The following C1QTNF2 variants were observed in gnomAD, a reference collection of about 807,000 sequenced individuals.
The protein encoded by C1QTNF2 is complement C1q tumor necrosis factor-related protein 2.
C1QTNF2 carries 15 observed loss-of-function variants against 17.4 expected under a neutral mutation model. The ratio of observed to expected loss-of-function variants is 0.86; its 90% CI spans 0.58 to 1.33. The LOEUF (loss-of-function observed/expected upper bound fraction) is 1.33. Among genes scored for constraint, C1QTNF2 ranks in the 40% most tolerant of loss-of-function variants. The pLI is 0.00. For synonymous variants in C1QTNF2, 154 were observed against 163.3 expected, an observed-to-expected ratio of 0.94 and a Z score of 0.44; for missense variants, 381 against 392.3, an observed-to-expected ratio of 0.97 and a Z score of 0.24.
At position 160,349,598 on chromosome 5, in the gene C1QTNF2, C is replaced by T. The variant is rs1414271316; in HGVS notation, c.428G>A (p.Cys143Tyr). The change falls in exon 3 of 3, where the codon TGT becomes TAT. Residue 143 changes from cysteine to tyrosine, a missense_variant. Cys to Tyr is a radical substitution (Grantham distance 194, BLOSUM62 -2). Transcript: ENST00000652664. The surrounding 1 kb of genome is among the most constrained non-coding windows in gnomAD (Gnocchi z 4.3). The stretch of plus-strand genomic sequence containing the variant: ...AGCTGACTTGGTATGGCCACTGCCA[C>T]AGCTGCAGGGGCCTGGGAGGCCTGG... ...GEPGLPGPCS[C>Y]GSGHTKSAFS... 6.2e-7 allele frequency: 1 copy of T among 1,613,584 alleles called. No individual in the cohort carries two copies. Among genetic ancestry groups the T allele is most frequent in the Non-Finnish European group, 8.5e-7 (1 of 1,179,934 alleles).
intron 1 of C1QTNF2, among the ~76,000 whole-genome samples, chr5:160,358,131 G>A (rs938680248): frequency 2.0e-5 from 3 of 152,252 alleles, no homozygotes; most frequent in African/African-American, 7.2e-5. Context: ...AGACACACAG[G>A]GAGGAAGCGT....
In C1QTNF2 at chr5:160,370,490, G is replaced by T; in HGVS notation, c.-10+22C>A. The T allele has an allele frequency of 2.1e-6, 3 of 1,425,290 alleles. No individual in the cohort carries two copies. The South Asian group carries it at 4.5e-5, about 21-fold the overall frequency. 88.3% of individuals were successfully genotyped at this position (1,425,290 alleles called of 1,614,324 possible). A position where few individuals can be genotyped will look rare whatever the true frequency, so the allele number is the denominator to read the frequency against. ...CCGCGCGCACTTGCCGCCCCCGCCC[G>T]ACCGCGGTGCGGGACACTCACCCTC... is the stretch of plus-strand genomic sequence containing the variant. On this transcript the variant is annotated intron_variant, in intron 1 of 2. Coordinates refer to ENST00000652664, the MANE Select transcript of C1QTNF2 (RefSeq NM_031908.6).
At chr5:160,369,038 A>G (rs1341449729) in intron 1 of C1QTNF2, among the ~76,000 whole-genome samples, 3 of 141,198 alleles carry the variant, frequency 2.1e-5, no homozygotes, top group Non-Finnish European at 4.6e-5. Context: ...CATGGAATGT[A>G]AAGTATGCTT....
intron 1 of C1QTNF2, among the ~76,000 whole-genome samples, chr5:160,358,746 T>G (rs1331194712): frequency 6.6e-6 from 1 of 152,082 alleles, no homozygotes; most frequent in Non-Finnish European, 1.5e-5. Flanking sequence ...AAACTGACCT[T>G]ATTACGCACC....
chr5:160,350,750 AT>A (rs1354840992), intron 2 of C1QTNF2, among the ~76,000 whole-genome samples: 6,814 of 140,176 alleles, frequency 0.049, 228 homozygotes, highest in East Asian at 0.2. Context: ...CACAATGCCA[AT>A]TTTTTTTTTT....
Position 160,349,145 on chromosome 5 carries a change from C to A in C1QTNF2, c.*23G>T, listed in dbSNP as rs376900921. On this transcript the variant is annotated 3_prime_UTR_variant, in exon 3 of 3. Transcript: ENST00000652664. The surrounding 1 kb of genome is among the most constrained non-coding windows in gnomAD (Gnocchi z 4.3). ...CCCAAGTCCAGAAGCTTGTTCCCTG[C>A]CTGGAGGACCGCCGTGGCATGTCTA... 45 of 1,588,850 alleles carry A rather than the reference C, an allele frequency of 2.8e-5. No individual in the cohort carries two copies. Among genetic ancestry groups the A allele is most frequent in the Non-Finnish European group, 3.6e-5 (42 of 1,166,144 alleles).
chr5:160,363,993 G>A (rs973371453), intron 1 of C1QTNF2, among the ~76,000 whole-genome samples: 1 of 152,118 alleles, frequency 6.6e-6, no homozygotes, highest in Non-Finnish European at 1.5e-5. Context: ...GGAAAATGAC[G>A]CAAGTCACAT....
Position 160,370,571 on chromosome 5 carries a change from C to A in C1QTNF2, c.-69G>T. The A allele has an allele frequency of 6.9e-7, 1 of 1,447,252 alleles. No homozygotes were observed. Among genetic ancestry groups the A allele is most frequent in the Non-Finnish European group, 9.0e-7 (1 of 1,108,384 alleles). 89.7% of individuals were successfully genotyped at this position (1,447,252 alleles called of 1,614,324 possible). A position where few individuals can be genotyped will look rare whatever the true frequency, so the allele number is the denominator to read the frequency against. On this transcript the variant is annotated 5_prime_UTR_variant, in exon 1 of 3. Coordinates refer to ENST00000652664, the MANE Select transcript of C1QTNF2 (RefSeq NM_031908.6). The stretch of plus-strand genomic sequence containing the variant: ...GAGCAAAGAAGCTCTCGGCGGGGCT[C>A]CGCGTCCCGGCTTTCCTCAGCGGCA...
intron 1 of C1QTNF2, among the ~76,000 whole-genome samples, chr5:160,365,553 G>T (rs1435617286): frequency 6.6e-6 from 1 of 151,852 alleles, no homozygotes; most frequent in Non-Finnish European, 1.5e-5. Flanking sequence ...GGGCAACAAA[G>T]TGAGACCTCC....
intron 1 of C1QTNF2, among the ~76,000 whole-genome samples, chr5:160,360,475 CCTCCTTGCTTTTGACCCCTTACAGTA>C: frequency 6.6e-6 from 1 of 152,098 alleles, no homozygotes; most frequent in African/African-American, 2.4e-5. Flanking sequence ...AGATCAAATC[CCTCCTTGCTTTTGACCCCTTACAGTA>C]TAGGGGCTAG....
intron 1 of C1QTNF2, among the ~76,000 whole-genome samples, chr5:160,364,708 C>CA (rs1393422316): frequency 6.6e-6 from 1 of 151,742 alleles, no homozygotes. Context: ...CAGGTGCTAC[C>CA]AAAAAAAAGT....
chr5:160,350,369 T>C (rs1376871179), intron 2 of C1QTNF2, among the ~76,000 whole-genome samples: 3 of 152,086 alleles, frequency 2.0e-5, no homozygotes, highest in East Asian at 1.9e-4. Context: ...TTCTCTAACA[T>C]ACACTAAGAG....
intron 1 of C1QTNF2, among the ~76,000 whole-genome samples, chr5:160,365,098 A>G (rs930397061): frequency 1.2e-4 from 18 of 152,214 alleles, no homozygotes; most frequent in African/African-American, 3.6e-4. Flanking sequence ...TCCAGCTGGC[A>G]CACCTGTGTA....
At chr5:160,369,868 G>C (rs564179503) in intron 1 of C1QTNF2, among the ~76,000 whole-genome samples, 1 of 152,306 alleles carries the variant, frequency 6.6e-6, no homozygotes, top group African/African-American at 2.4e-5. Context: ...AGCATATTAA[G>C]ACAAGTAGTT....
chr5:160,352,564 T>A (rs1044274802), intron 2 of C1QTNF2, among the ~76,000 whole-genome samples: 1 of 152,126 alleles, frequency 6.6e-6, no homozygotes, highest in African/African-American at 2.4e-5. Context: ...TGGTAGAACT[T>A]CCTGGTAAGC....
At position 160,354,812 on chromosome 5, in the gene C1QTNF2, C is replaced by T. The variant is rs1400565818; in HGVS notation, c.200G>A (p.Gly67Asp). ...MGRMGFPGKD[G>D]QDGHDGDRGD... ...CCGGTCGCCGTCGTGTCCATCTTGGCCGTCTTTGCCAGGAAAGCCCATTCG... is the reference window on the plus strand; with the variant it reads ...CCGGTCGCCGTCGTGTCCATCTTGGTCGTCTTTGCCAGGAAAGCCCATTCG... The change falls in exon 2 of 3, where the codon GGC becomes GAC. Residue 67 changes from glycine (G) to aspartate (D), a missense_variant. By Grantham distance (94) the Gly-to-Asp change is moderately conservative. Coordinates refer to ENST00000652664, the MANE Select transcript of C1QTNF2 (RefSeq NM_031908.6). 1.3e-5 allele frequency: 21 copies of T among 1,613,668 alleles called. No individual in the cohort carries two copies. The highest frequency in any genetic ancestry group is 1.8e-5 in the Non-Finnish European group (21 of 1,179,932).
rs554005652 is a variant in C1QTNF2, at chr5:160,361,969, C to T, written c.-9-6949G>A. Reference sequence around the variant, plus strand: ...TTCCCTGGAATGGAAGGTCCAGGAACGTATGGGCCCTGCATGTTGCTCTCA... The same window carrying T: ...TTCCCTGGAATGGAAGGTCCAGGAATGTATGGGCCCTGCATGTTGCTCTCA... On this transcript the variant is annotated intron_variant, in intron 1 of 2. Transcript: ENST00000652664. 4.7e-4 allele frequency among the ~76,000 whole-genome samples: 71 copies of T among 152,340 alleles called. No homozygotes were observed. In the South Asian group the frequency reaches 0.012, roughly 25 times the overall value.
At chr5:160,354,030 C>T (rs957272660) in intron 2 of C1QTNF2, among the ~76,000 whole-genome samples, 3 of 151,912 alleles carry the variant, frequency 2.0e-5, no homozygotes, top group African/African-American at 7.3e-5. Context: ...GTCTTGAACT[C>T]CTGGCCTCAA....
At chr5:160,352,996 T>C (rs1763954580) in intron 2 of C1QTNF2, among the ~76,000 whole-genome samples, 1 of 152,214 alleles carries the variant, frequency 6.6e-6, no homozygotes, top group Non-Finnish European at 1.5e-5. Context: ...TTATTATCCA[T>C]ATTTTAGAGA....
Sources: gnomAD v4.1 joint callset for allele counts (sites outside exome capture counted in the v4.1 genomes callset) on GRCh38, gnomAD v4.1.1 for gene constraint, Gnocchi (gnomAD v3.1) non-coding constraint, MANE v1.5 for transcripts, NCBI Gene and HGNC (gene_info 2026-07-23, HGNC 2026-07-21) for gene names.